DZIP3: variants seen among roughly 807,000 people sequenced by gnomAD.
DZIP3 encodes E3 ubiquitin-protein ligase DZIP3.
In DZIP3, 118 loss-of-function variants were observed where a neutral mutation model predicts 162.0. The observed-to-expected ratio is 0.73, with a 90% CI of 0.63 to 0.85. The LOEUF (loss-of-function observed/expected upper bound fraction) is 0.85. Ranked by LOEUF, DZIP3 falls within the 40% of genes least tolerant of loss-of-function variation. The probability of loss-of-function intolerance (pLI) is 0.00; values close to 1 mark genes in which losing one functional copy is unlikely to be tolerated. For missense variants in DZIP3, 1,331 were observed against 1,407.0 expected (o/e 0.95, Z 0.86); for synonymous variants, 438 against 458.6 (o/e 0.96, Z 0.57).
intron 8 of DZIP3, among the ~76,000 whole-genome samples, chr3:108,630,559 T>C (rs1293040658): frequency 6.6e-6 from 1 of 152,086 alleles, no homozygotes; most frequent in African/African-American, 2.4e-5. Context: ...CAGACAGCTT[T>C]TGGCATTGTC....
chr3:108,661,335 G>C (rs1189224721), intron 19 of DZIP3, among the ~76,000 whole-genome samples: 1 of 152,086 alleles, frequency 6.6e-6, no homozygotes, highest in Non-Finnish European at 1.5e-5. Context: ...GTCCTTTTTA[G>C]GGACATGGAA....
intron 4 of DZIP3, among the ~76,000 whole-genome samples, chr3:108,613,635 C>T (rs989365356): frequency 1.3e-5 from 2 of 152,136 alleles, no homozygotes; most frequent in Non-Finnish European, 2.9e-5. Context: ...AGCAGACTTG[C>T]TCTAATTGAG....
intron 8 of DZIP3, among the ~76,000 whole-genome samples, chr3:108,632,305 CCATAGCT>C (rs1337538596): frequency 6.6e-6 from 1 of 151,936 alleles, no homozygotes; most frequent in East Asian, 1.9e-4. Context: ...AATGGTGCTA[CCATAGCT>C]CACTGCAGCT....
rs1944659018 is a variant in DZIP3, at chr3:108,690,724, G to C, written c.3517-63G>C. On this transcript the variant is annotated intron_variant, in intron 31 of 32. Coordinates refer to ENST00000361582, the MANE Select transcript of DZIP3 (RefSeq NM_014648.4). ...TGTTGGTTGGTAACCCTGATGCATA[G>C]AGTGACAACTGCCTCTGCTAGGCTA... The C allele has an allele frequency of 5.5e-6, 8 of 1,458,116 alleles. No homozygotes were observed. In the Middle Eastern group the frequency reaches 1.1e-3, roughly 193 times the overall value. The allele number at this position is 1,458,116 out of a possible 1,614,324, so 90.3% of individuals were successfully genotyped here.
At chr3:108,629,806 AAT>A (rs891922503) in intron 8 of DZIP3, among the ~76,000 whole-genome samples, 4 of 150,524 alleles carry the variant, frequency 2.7e-5, no homozygotes, top group Admixed American at 6.6e-5. Flanking sequence ...GATTTGGCAT[AAT>A]ATATATATAT....
intron 26 of DZIP3, among the ~76,000 whole-genome samples, chr3:108,683,945 T>A (rs959426171): frequency 1.3e-5 from 2 of 152,210 alleles, no homozygotes; most frequent in African/African-American, 4.8e-5. Flanking sequence ...TTTCCAAGGT[T>A]ATTCAGCTAC....
At position 108,662,991 on chromosome 3, in the gene DZIP3, C is replaced by T. The variant is rs186736594; in HGVS notation, c.2423+734C>T. Among the ~76,000 whole-genome samples the T allele has an allele frequency of 4.6e-5, 7 of 152,206 alleles. No homozygotes were observed. The East Asian group carries it at 9.6e-4, about 21-fold the overall frequency. On this transcript the variant is annotated intron_variant, in intron 21 of 32. Coordinates refer to ENST00000361582, the MANE Select transcript of DZIP3 (RefSeq NM_014648.4). ...TGATAGGGAGAATAGAAAAGTGCTTCGAATGTCTTTGAATGGGGAGTCCAA... is the reference window on the plus strand; with the variant it reads ...TGATAGGGAGAATAGAAAAGTGCTTTGAATGTCTTTGAATGGGGAGTCCAA...
chr3:108,607,070 A>AT (rs1940419910), intron 2 of DZIP3, among the ~76,000 whole-genome samples: 1 of 152,072 alleles, frequency 6.6e-6, no homozygotes, highest in Non-Finnish European at 1.5e-5. Context: ...GTTTTGCTTT[A>AT]TTTTTTGTAG....
At chr3:108,674,876 T>C (rs564338313) in intron 24 of DZIP3, among the ~76,000 whole-genome samples, 1 of 151,952 alleles carries the variant, frequency 6.6e-6, no homozygotes, top group Non-Finnish European at 1.5e-5. Context: ...TAATCAGCAT[T>C]GTTCTTTCAT....
intron 5 of DZIP3, among the ~76,000 whole-genome samples, chr3:108,622,794 A>C (rs1559734431): frequency 6.6e-6 from 1 of 150,468 alleles, no homozygotes. Context: ...ATTACCAGGC[A>C]GAGACTCTTG....
At chr3:108,647,063 G>T (rs995062403) in intron 15 of DZIP3, among the ~76,000 whole-genome samples, 29 of 152,076 alleles carry the variant, frequency 1.9e-4, no homozygotes, top group African/African-American at 7.0e-4. Flanking sequence ...CTTGGAAAAT[G>T]ATGTGATCAA....
At chr3:108,636,325 T>C (rs571043510) in intron 10 of DZIP3, among the ~76,000 whole-genome samples, 2 of 152,106 alleles carry the variant, frequency 1.3e-5, no homozygotes, top group Non-Finnish European at 1.5e-5. Flanking sequence ...TCTTTACCCA[T>C]ACTTAATTAG....
At position 108,619,296 on chromosome 3, in the gene DZIP3, GT is replaced by G. The variant is rs560503154; in HGVS notation, c.375+2640del. ...TGTGTGTGTATGTGTGTGGGTATAT[GT>G]GTGTATGTGTGTGTGTGTGTGTGTG... is the stretch of plus-strand genomic sequence containing the variant. On this transcript the variant is annotated intron_variant, in intron 5 of 32. Coordinates refer to ENST00000361582, the MANE Select transcript of DZIP3 (RefSeq NM_014648.4). Among the ~76,000 whole-genome samples, 820 of 140,092 alleles carry G rather than the reference GT, an allele frequency of 5.9e-3. 8 individuals are homozygous for G. The highest frequency in any genetic ancestry group is 0.026 in the South Asian group (108 of 4,168). The allele number at this position is 140,092 out of a possible 152,430, so 91.9% of individuals were successfully genotyped here.
chr3:108,643,856 C>A (rs1942504473), intron 13 of DZIP3, among the ~76,000 whole-genome samples: 1 of 151,924 alleles, frequency 6.6e-6, no homozygotes, highest in Non-Finnish European at 1.5e-5. Context: ...TTTTAAAGAC[C>A]TAATACTGTG....
intron 8 of DZIP3, among the ~76,000 whole-genome samples, chr3:108,631,050 C>CACACACACACACACAT (rs1553705333): frequency 8.9e-6 from 1 of 111,956 alleles, no homozygotes; most frequent in African/African-American, 3.5e-5. Context: ...CACACACACA[C>CACACACACACACACAT]ACACACTCTC....
chr3:108,684,291 G>A lies in DZIP3; in HGVS notation c.2959G>A (p.Ala987Thr). ...CATACTTACTGTTCCTCAAATGCCTGCAGTTTGCCCGGGAGTCGTCTCTGC... is the reference window on the plus strand; with the variant it reads ...CATACTTACTGTTCCTCAAATGCCTACAGTTTGCCCGGGAGTCGTCTCTGC... ...RPILTVPQMP[A>T]VCPGVVSATG... Residue 987 changes from alanine to threonine, a missense_variant, in exon 27 of 33, where the codon GCA (alanine) becomes ACA (threonine). Physicochemically the swap from Ala to Thr is moderately conservative, Grantham distance 58. Around this residue, in one of 2 missense-constraint regions of DZIP3, gnomAD observed 1,278 missense variants for 1,317.1 expected, o/e 0.97. Transcript: ENST00000361582. 1.2e-6 allele frequency: 2 copies of A among 1,613,304 alleles called. No individual in the cohort carries two copies. The highest frequency in any genetic ancestry group is 1.7e-6 in the Non-Finnish European group (2 of 1,179,604).
chr3:108,589,552 G>A (rs1255084839), upstream of DZIP3: 2 of 503,672 alleles, frequency 4.0e-6, no homozygotes, highest in East Asian at 3.4e-5. Flanking sequence ...TGACGGCCGG[G>A]GTGGGCCAGG....
chr3:108,610,148 A>G (rs1054080092), intron 3 of DZIP3, among the ~76,000 whole-genome samples: 1 of 152,222 alleles, frequency 6.6e-6, no homozygotes. Flanking sequence ...ACATTTTTCT[A>G]CATAAATAAT....
At chr3:108,642,082 A>G (rs980455086) in intron 12 of DZIP3, among the ~76,000 whole-genome samples, 1 of 152,210 alleles carries the variant, frequency 6.6e-6, no homozygotes, top group African/African-American at 2.4e-5. Context: ...AGAGAGGGCC[A>G]GGGAGGACTT....
Sources: allele counts gnomAD v4.1 joint callset (sites outside exome capture counted in the v4.1 genomes callset), GRCh38; gene constraint gnomAD v4.1.1; regional missense constraint gnomAD v4.1.1; transcripts MANE v1.5; gene names NCBI Gene and HGNC (gene_info 2026-07-23, HGNC 2026-07-21).